Variants in ZMYND8 observed in about 807,000 individuals in gnomAD.
The protein encoded by ZMYND8 is MYND-type zinc finger-containing chromatin reader ZMYND8.
Under a neutral mutation model 140.8 loss-of-function variants are expected in ZMYND8, and 37 were observed. That is an observed-to-expected ratio of 0.26 (90% CI 0.20 to 0.35). The LOEUF (loss-of-function observed/expected upper bound fraction) is 0.35. Ranked by LOEUF, ZMYND8 falls within the 10% of genes least tolerant of loss-of-function variation. The pLI is 1.00. For synonymous variants in ZMYND8, 592 were observed against 597.1 expected (o/e 0.99, Z 0.12); for missense variants, 1,068 against 1,570.0 (o/e 0.68, Z 5.40).
intron 1 of ZMYND8, chr20:47,356,307 A>T: frequency 7.8e-7 from 1 of 1,287,730 alleles, no homozygotes; most frequent in African/African-American, 1.6e-5. Flanking sequence ...AGAGAGAGAG[A>T]GGGGAAGAGA....
At position 47,310,106 on chromosome 20, in the gene ZMYND8, T is replaced by C. The variant is rs370476946; in HGVS notation, c.184A>G (p.Ile62Val). ...AAGCCAGGTTTCTTTTTCTTTTTAA[T>C]GGGGCTTGTTGATGTGTCCTGCGGC... ...HSPQDTSTSP[I>V]KKKKKPGLLN... The change falls in exon 3 of 23, where the codon ATT becomes GTT. Residue 62 changes from isoleucine (I) to valine (V), a missense_variant. Ile to Val is a conservative substitution (Grantham distance 29). This residue lies in a region of ZMYND8 where 77 missense variants were observed against 85.1 expected (regional missense o/e 0.91). Coordinates refer to ENST00000471951, the MANE Select transcript of ZMYND8 (RefSeq NM_001281775.3). 2.8e-5 allele frequency: 45 copies of C among 1,614,198 alleles called. 1 individual carries two copies. In the African/African-American group the frequency reaches 3.3e-4, roughly 12 times the overall value.
intron 9 of ZMYND8, 34 bp downstream of exon 9, chr20:47,283,537 A>C (rs758822229): frequency 6.2e-7 from 1 of 1,611,820 alleles, no homozygotes; most frequent in Non-Finnish European, 8.5e-7. Flanking sequence ...CACAGGGTTC[A>C]GTAAATGAAA....
At chr20:47,242,164 C>T (rs996345462) in intron 14 of ZMYND8, among the ~76,000 whole-genome samples, 1 of 152,310 alleles carries the variant, frequency 6.6e-6, no homozygotes, top group Non-Finnish European at 1.5e-5. Context: ...AGACATGAGC[C>T]TGATTACTCC....
chr20:47,269,476 T>C (rs577132826), intron 11 of ZMYND8, among the ~76,000 whole-genome samples: 132 of 152,354 alleles, frequency 8.7e-4, no homozygotes, highest in African/African-American at 3.1e-3. Context: ...CTGAAACAGA[T>C]GCCAATCCTT....
intron 10 of ZMYND8, among the ~76,000 whole-genome samples, chr20:47,279,506 T>TA (rs1346406734): frequency 9.8e-6 from 1 of 102,196 alleles, no homozygotes; most frequent in African/African-American, 4.1e-5. Flanking sequence ...AATAAATAAA[T>TA]AATAAAACAA....
At position 47,246,327 on chromosome 20, in the gene ZMYND8, C is replaced by CT. The variant is rs776813452; in HGVS notation, c.1964dup (p.Pro656AlafsTer10). 1.2e-6 allele frequency: 2 copies of CT among 1,613,844 alleles called. No homozygotes were observed. The highest frequency in any genetic ancestry group is 8.5e-7 in the Non-Finnish European group (1 of 1,179,956). On this transcript the variant is annotated frameshift_variant, in exon 14 of 23. Coordinates refer to ENST00000471951, the MANE Select transcript of ZMYND8 (RefSeq NM_001281775.3). LOFTEE classifies it high-confidence loss of function. ...TCTCCACTGGGTTTGTAGGCTTGGG[C>CT]TTTTTTTTAACAGCAGATGGCTCTT...
intron 13 of ZMYND8, among the ~76,000 whole-genome samples, chr20:47,248,683 C>T (rs903895165): frequency 2.0e-5 from 3 of 152,228 alleles, no homozygotes; most frequent in East Asian, 1.9e-4. Flanking sequence ...GACACCCCCA[C>T]ACAAAGGGAC....
In ZMYND8 at chr20:47,282,311, G is replaced by T. The variant is rs994113174; in HGVS notation, c.883-94C>A. ...ATGTGAGGATGAAGCAGGACTGTGG[G>T]ACACAGGCCATGAGTGGAAAAAGAG... On this transcript the variant is annotated intron_variant, in intron 9 of 22. Coordinates refer to ENST00000471951, the MANE Select transcript of ZMYND8 (RefSeq NM_001281775.3). 7.7e-6 allele frequency: 8 copies of T among 1,039,734 alleles called. No individual in the cohort carries two copies. In the African/African-American group the frequency reaches 1.1e-4, roughly 15 times the overall value. The allele number at this position is 1,039,734 out of a possible 1,614,324, so 64.4% of individuals were successfully genotyped here. A position where few individuals can be genotyped will look rare whatever the true frequency, so the allele number is the denominator to read the frequency against.
chr20:47,259,107 A>G (rs1167183179), intron 12 of ZMYND8, among the ~76,000 whole-genome samples: 1 of 152,098 alleles, frequency 6.6e-6, no homozygotes, highest in Non-Finnish European at 1.5e-5. Context: ...AGGAAGCCCA[A>G]TGACCACCCA....
intron 2 of ZMYND8, chr20:47,318,636 A>C: frequency 2.3e-6 from 1 of 429,074 alleles, no homozygotes; most frequent in Non-Finnish European, 4.6e-6. Flanking sequence ...TATTTCCTCC[A>C]ACGCTGACCG....
chr20:47,319,008 A>G, intron 2 of ZMYND8: 1 of 1,351,378 alleles, frequency 7.4e-7, no homozygotes, highest in Non-Finnish European at 9.8e-7. Context: ...TCAAAAGAGA[A>G]CAGAGGCTCA....
chr20:47,298,251 G>A lies in ZMYND8; in HGVS notation c.453+478C>T. On this transcript the variant is annotated intron_variant, in intron 4 of 22. Transcript: ENST00000471951. The surrounding 1 kb of genome is among the most constrained non-coding windows in gnomAD (Gnocchi z 5.0). Reference sequence around the variant, plus strand: ...TTCCCAGCACCTAATAGGCACTCAAGAAATACTTGTTGCACAAAAGAAAGC... The same window carrying A: ...TTCCCAGCACCTAATAGGCACTCAAAAAATACTTGTTGCACAAAAGAAAGC... 2 of 984,902 alleles carry A rather than the reference G, an allele frequency of 2.0e-6. No individual in the cohort carries two copies. Among genetic ancestry groups the A allele is most frequent in the Non-Finnish European group, 2.4e-6 (2 of 829,644 alleles). 61.0% of individuals were successfully genotyped at this position (984,902 alleles called of 1,614,324 possible).
intron 12 of ZMYND8, among the ~76,000 whole-genome samples, chr20:47,256,057 G>C (rs554071217): frequency 6.7e-6 from 1 of 149,066 alleles, no homozygotes; most frequent in South Asian, 2.1e-4. Context: ...TGGGCAACAA[G>C]AGCAAAGCTC....
At chr20:47,271,805 CT>C (rs1472308570) in intron 11 of ZMYND8, among the ~76,000 whole-genome samples, 1 of 152,128 alleles carries the variant, frequency 6.6e-6, no homozygotes, top group African/African-American at 2.4e-5. Context: ...CCTCAGCCTC[CT>C]GTGTAGTTGG....
intron 1 of ZMYND8, chr20:47,356,235 A>G: frequency 1.3e-6 from 1 of 772,078 alleles, no homozygotes; most frequent in Non-Finnish European, 1.7e-6. Flanking sequence ...TTCTTCCCCC[A>G]GCAGGGCATG....
chr20:47,311,639 G>A (rs977475705), intron 2 of ZMYND8, among the ~76,000 whole-genome samples: 4 of 151,980 alleles, frequency 2.6e-5, no homozygotes, highest in African/African-American at 9.7e-5. Context: ...AAGTTTTCAC[G>A]AACAATGGCG....
intron 17 of ZMYND8, 126 bp from the exon 18 acceptor site, chr20:47,227,407 C>T (rs1239548284): frequency 3.0e-5 from 26 of 865,932 alleles, no homozygotes; most frequent in South Asian, 1.5e-4. Flanking sequence ...CAGCTATAGT[C>T]CAGAGAGGTG....
At chr20:47,313,561 G>A (rs928872770) in intron 2 of ZMYND8, among the ~76,000 whole-genome samples, 1 of 151,930 alleles carries the variant, frequency 6.6e-6, no homozygotes, top group Non-Finnish European at 1.5e-5. Flanking sequence ...GGCGGAGCTT[G>A]CAGTGAGCCA....
intron 2 of ZMYND8, among the ~76,000 whole-genome samples, chr20:47,335,481 G>A (rs1275752033): frequency 6.6e-6 from 1 of 151,858 alleles, no homozygotes; most frequent in African/African-American, 2.4e-5. Flanking sequence ...CATCGGTAAA[G>A]GATCCACTAT....
Sources: gnomAD v4.1 joint callset for allele counts (sites outside exome capture counted in the v4.1 genomes callset) on GRCh38, gnomAD v4.1.1 for gene constraint, gnomAD v4.1.1 regional missense constraint, Gnocchi (gnomAD v3.1) non-coding constraint, MANE v1.5 for transcripts, NCBI Gene and HGNC (gene_info 2026-07-23, HGNC 2026-07-21) for gene names.